KLF12: variants seen among roughly 807,000 people sequenced by gnomAD.
The protein encoded by KLF12 is KLF transcription factor 12.
KLF12 carries 9 observed loss-of-function variants against 37.8 expected under a neutral mutation model. The ratio of observed to expected loss-of-function variants is 0.24; its 90% CI spans 0.14 to 0.42. The LOEUF (loss-of-function observed/expected upper bound fraction) is 0.42, where lower values mean the gene tolerates loss of function less well. KLF12 is among the 10% of genes least tolerant of loss of function. The pLI, the probability that KLF12 is intolerant of heterozygous loss-of-function variation, is 1.00. For missense variants in KLF12, 411 were observed against 516.0 expected, an observed-to-expected ratio of 0.80 and a Z score of 1.97; for synonymous variants, 208 against 202.1, an observed-to-expected ratio of 1.03 and a Z score of -0.25.
the KLF12 span, among the ~76,000 whole-genome samples, chr13:74,177,646 G>A: frequency 6.6e-6 from 1 of 152,180 alleles, no homozygotes; most frequent in Admixed American, 6.5e-5. Context: ...ACTGGTGACA[G>A]TAAATTAATG....
intron 3 of KLF12, among the ~76,000 whole-genome samples, chr13:73,933,716 T>A (rs929720853): frequency 2.3e-4 from 35 of 152,182 alleles, no homozygotes; most frequent in African/African-American, 7.2e-4. Flanking sequence ...ACTGCCCCTT[T>A]GAACTATACA....
intron 5 of KLF12, among the ~76,000 whole-genome samples, chr13:73,794,914 C>T (rs1003874836): frequency 3.3e-5 from 5 of 152,168 alleles, no homozygotes; most frequent in African/African-American, 1.2e-4. Flanking sequence ...CTGTGCTCTG[C>T]ACCACATGGG....
chr13:74,068,560 T>C (rs1367411213), intron 1 of KLF12, among the ~76,000 whole-genome samples: 1 of 58,720 alleles, frequency 1.7e-5, no homozygotes, highest in Non-Finnish European at 3.4e-5. Context: ...ATTTTTTTCT[T>C]TTTTTTTTTT....
At chr13:74,291,196 A>C in the KLF12 span, among the ~76,000 whole-genome samples, 1 of 152,212 alleles carries the variant, frequency 6.6e-6, no homozygotes, top group African/African-American at 2.4e-5. Flanking sequence ...TGTGTGCTTC[A>C]GGTCACTCAG....
chr13:74,056,756 G>T (rs1315337634), intron 1 of KLF12, among the ~76,000 whole-genome samples: 2 of 152,108 alleles, frequency 1.3e-5, no homozygotes, highest in African/African-American at 4.8e-5. Flanking sequence ...ATTATTTTTG[G>T]CTTTAATTCT....
chr13:74,079,005 G>A (rs375928181), intron 1 of KLF12, among the ~76,000 whole-genome samples: 1 of 152,182 alleles, frequency 6.6e-6, no homozygotes, highest in African/African-American at 2.4e-5. Context: ...GAGAGTGGGA[G>A]AGAATATGCC....
At position 73,732,924 on chromosome 13, in the gene KLF12, T is replaced by C. The variant is rs565335885; in HGVS notation, c.870-17399A>G. ...TCTCAGGAAATAACCACTTCTCTCC[T>C]GGCAGTCCAGAACAAAAACAGGGGT... On this transcript the variant is annotated intron_variant, in intron 6 of 7. Transcript: ENST00000377669. Among the ~76,000 whole-genome samples the C allele has an allele frequency of 1.5e-4, 23 of 152,302 alleles. 1 individual carries two copies. Among genetic ancestry groups the C allele is most frequent in the Middle Eastern group, 6.8e-3 (2 of 294 alleles).
At chr13:74,059,191 CAG>C (rs1202264994) in intron 1 of KLF12, among the ~76,000 whole-genome samples, 1 of 152,212 alleles carries the variant, frequency 6.6e-6, no homozygotes, top group Admixed American at 6.5e-5. Context: ...CAACTGCTGA[CAG>C]ACATTTAGGT....
chr13:74,226,437 C>A, the KLF12 span, among the ~76,000 whole-genome samples: 19,710 of 152,190 alleles, frequency 0.13, 1,744 homozygotes, highest in Non-Finnish European at 0.19. Context: ...TGTGCTTGAT[C>A]TTGGATGTGT....
chr13:74,093,884 C>A (rs1875820083), intron 1 of KLF12, among the ~76,000 whole-genome samples: 2 of 151,670 alleles, frequency 1.3e-5, no homozygotes, highest in African/African-American at 4.8e-5. Flanking sequence ...TTACTCACCA[C>A]AAACATTTGA....
At chr13:73,976,467 T>A (rs57061860) in intron 2 of KLF12, among the ~76,000 whole-genome samples, 7,339 of 152,164 alleles carry the variant, frequency 0.048, 378 homozygotes, top group African/African-American at 0.13. Context: ...CATGATGAAC[T>A]TCCCTTTATC....
chr13:74,187,034 C>A, the KLF12 span, among the ~76,000 whole-genome samples: 1 of 152,174 alleles, frequency 6.6e-6, no homozygotes, highest in African/African-American at 2.4e-5. Flanking sequence ...GAAGGTGCAA[C>A]AAATTTTAGC....
chr13:73,718,394 C>T (rs1274624674), intron 6 of KLF12, among the ~76,000 whole-genome samples: 1 of 152,200 alleles, frequency 6.6e-6, no homozygotes, highest in Admixed American at 6.5e-5. Flanking sequence ...ACTGTGAGTT[C>T]TGAATTTACA....
intron 1 of KLF12, among the ~76,000 whole-genome samples, chr13:74,130,330 A>G (rs1432251551): frequency 2.0e-5 from 3 of 152,234 alleles, no homozygotes; most frequent in Non-Finnish European, 4.4e-5. Flanking sequence ...TTTCAAATAG[A>G]AAATGACAGA....
In KLF12 at chr13:73,748,823, G is replaced by A. The variant is rs557594388; in HGVS notation, c.869+16115C>T. Among the ~76,000 whole-genome samples, 6 of 152,314 alleles carry A rather than the reference G, an allele frequency of 3.9e-5. No homozygotes were observed. The East Asian group carries it at 1.2e-3, about 29-fold the overall frequency. On this transcript the variant is annotated intron_variant, in intron 6 of 7. Coordinates refer to ENST00000377669, the MANE Select transcript of KLF12 (RefSeq NM_007249.5). ...TGCTTAACGCCAAAAGCCAACAGCAGGTAGAATTTGAATCTGCATCCTTTG... is the reference window on the plus strand; with the variant it reads ...TGCTTAACGCCAAAAGCCAACAGCAAGTAGAATTTGAATCTGCATCCTTTG...
rs1347314829 is a variant in KLF12, at chr13:73,691,635, A to T, written c.*3855T>A. Reference sequence around the variant, plus strand: ...CAACATCATGGCTACATTTCTAAGCAGTCATAACAACATAACAAAGGCGTA... The same window carrying T: ...CAACATCATGGCTACATTTCTAAGCTGTCATAACAACATAACAAAGGCGTA... On this transcript the variant is annotated 3_prime_UTR_variant, in exon 8 of 8. Coordinates refer to ENST00000377669, the MANE Select transcript of KLF12 (RefSeq NM_007249.5). 1 of 152,674 alleles carries T rather than the reference A, an allele frequency of 6.5e-6. No individual in the cohort carries two copies. Among genetic ancestry groups the T allele is most frequent in the Non-Finnish European group, 1.5e-5 (1 of 68,048 alleles). 9.5% of individuals were successfully genotyped at this position (152,674 alleles called of 1,614,324 possible).
chr13:73,991,255 C>G (rs1891964018), intron 2 of KLF12, among the ~76,000 whole-genome samples: 1 of 152,116 alleles, frequency 6.6e-6, no homozygotes, highest in Non-Finnish European at 1.5e-5. Flanking sequence ...ATTATATATG[C>G]CTGGAAATAG....
intron 1 of KLF12, among the ~76,000 whole-genome samples, chr13:74,052,483 G>C (rs1302130104): frequency 3.3e-5 from 5 of 152,008 alleles, no homozygotes; most frequent in Non-Finnish European, 7.4e-5. Context: ...CTACAGAAAG[G>C]AAATAACAAT....
the KLF12 span, among the ~76,000 whole-genome samples, chr13:74,287,396 A>AGAGAGAGAG: frequency 2.8e-5 from 1 of 35,840 alleles, no homozygotes; most frequent in Admixed American, 2.8e-4. Flanking sequence ...GAGAGAGAGA[A>AGAGAGAGAG]TCCACCTCTA....
Sources: gnomAD v4.1 joint callset for allele counts (sites outside exome capture counted in the v4.1 genomes callset) on GRCh38, gnomAD v4.1.1 for gene constraint, MANE v1.5 for transcripts, NCBI Gene and HGNC (gene_info 2026-07-23, HGNC 2026-07-21) for gene names.